ARHGEF6: variants seen among roughly 807,000 people sequenced by gnomAD.
The protein encoded by ARHGEF6 is Rac/Cdc42 guanine nucleotide exchange factor 6, also known as rho guanine nucleotide exchange factor 6.
Under a neutral mutation model 70.3 loss-of-function variants are expected in ARHGEF6, and 9 were observed. That is an observed-to-expected ratio of 0.13 (90% CI 0.08 to 0.22). The LOEUF is 0.22. Among genes scored for constraint, ARHGEF6 ranks in the 10% least tolerant of loss-of-function variants. The pLI, the probability that ARHGEF6 is intolerant of heterozygous loss-of-function variation, is 1.00. For missense variants in ARHGEF6, 470 were observed against 563.0 expected (o/e 0.83, Z 1.67); for synonymous variants, 201 against 207.8 (o/e 0.97, Z 0.28).
intron 2 of ARHGEF6, among the ~76,000 whole-genome samples, chrX:136,754,383 C>T (rs999798927): frequency 9.1e-6 from 1 of 109,682 alleles, no homozygotes; most frequent in African/African-American, 3.3e-5. Flanking sequence ...TCCAGGAGTT[C>T]GAGACCAGAC....
chrX:136,720,715 G>A (rs1046682341), intron 6 of ARHGEF6, among the ~76,000 whole-genome samples: 3 of 111,551 alleles, frequency 2.7e-5, no homozygotes, highest in East Asian at 2.8e-4. Context: ...AAATAAAACC[G>A]TCTTTATTTG....
intron 2 of ARHGEF6, among the ~76,000 whole-genome samples, chrX:136,758,198 G>C (rs1419525575): frequency 6.6e-5 from 7 of 105,479 alleles, no homozygotes; most frequent in Non-Finnish European, 9.7e-5. Context: ...CTACAGGCAC[G>C]TGCCACCACG....
At chrX:136,736,747 C>T (rs2076989961) in intron 5 of ARHGEF6, among the ~76,000 whole-genome samples, 1 of 110,391 alleles carries the variant, frequency 9.1e-6, no homozygotes, top group Non-Finnish European at 1.9e-5. Flanking sequence ...TCTCAAAGAG[C>T]GGGAAAAAGC....
intron 9 of ARHGEF6, among the ~76,000 whole-genome samples, chrX:136,691,846 T>G (rs1399452871): frequency 9.0e-6 from 1 of 111,661 alleles, no homozygotes; most frequent in Non-Finnish European, 1.9e-5. Flanking sequence ...AGATCAAGTC[T>G]TAACTTTTTA....
At chrX:136,718,061 G>C (rs2076755373) in intron 6 of ARHGEF6, among the ~76,000 whole-genome samples, 1 of 111,210 alleles carries the variant, frequency 9.0e-6, no homozygotes, top group Admixed American at 9.5e-5. Context: ...CCAATGAAAA[G>C]ACAGACATTT....
intron 6 of ARHGEF6, among the ~76,000 whole-genome samples, chrX:136,725,202 A>G (rs947917955): frequency 9.0e-6 from 1 of 111,179 alleles, no homozygotes; most frequent in Non-Finnish European, 1.9e-5. Flanking sequence ...TTCCCATGGG[A>G]GGGAGGCACG....
At chrX:136,746,901 T>C (rs1293115844) in intron 3 of ARHGEF6, among the ~76,000 whole-genome samples, 1 of 112,180 alleles carries the variant, frequency 8.9e-6, no homozygotes, top group Non-Finnish European at 1.9e-5. Context: ...AGTATGATTA[T>C]TACTATTCAG....
At position 136,674,919 on chromosome X, in the gene ARHGEF6, TC is replaced by T. The variant is rs777991817; in HGVS notation, c.2035+87del. ...CCTGCTTTCCACACCCTGCAACCCATCCGGGTTGCTTTTCTCTTTTTCTAAA... is the reference window on the plus strand; with the variant it reads ...CCTGCTTTCCACACCCTGCAACCCATCGGGTTGCTTTTCTCTTTTTCTAAA... On this transcript the variant is annotated intron_variant, in intron 19 of 21. Coordinates refer to ENST00000250617, the MANE Select transcript of ARHGEF6 (RefSeq NM_004840.3). The T allele has an allele frequency of 1.9e-4, 162 of 853,633 alleles. No homozygotes were observed. The East Asian group carries it at 5.2e-3, about 27-fold the overall frequency. 70.3% of individuals were successfully genotyped at this position (853,633 alleles called of 1,213,427 possible).
At chrX:136,691,346 C>T in intron 9 of ARHGEF6, among the ~76,000 whole-genome samples, 1 of 111,372 alleles carries the variant, frequency 9.0e-6, no homozygotes, top group Non-Finnish European at 1.9e-5. Context: ...AGCAGGTTAA[C>T]CAAACACTTC....
At chrX:136,670,226 C>T (rs1228909855) in intron 20 of ARHGEF6, among the ~76,000 whole-genome samples, 1 of 111,726 alleles carries the variant, frequency 9.0e-6, no homozygotes, top group East Asian at 2.8e-4. Context: ...AAATGCTATG[C>T]AAATATTTGT....
intron 2 of ARHGEF6, among the ~76,000 whole-genome samples, chrX:136,777,787 C>CACACACACACACACACACACA (rs767698755): frequency 1.8e-5 from 2 of 109,246 alleles, no homozygotes; most frequent in African/African-American, 6.7e-5. Context: ...CACACACACA[C>CACACACACACACACACACACA]CATGGAATAC....
chrX:136,714,113 G>A (rs2076713949), intron 6 of ARHGEF6, among the ~76,000 whole-genome samples: 1 of 111,841 alleles, frequency 8.9e-6, no homozygotes, highest in African/African-American at 3.3e-5. Context: ...GCTGAAGTGT[G>A]AGGAATTTAA....
intron 2 of ARHGEF6, among the ~76,000 whole-genome samples, chrX:136,752,878 T>C (rs973991565): frequency 8.9e-6 from 1 of 112,307 alleles, no homozygotes; most frequent in African/African-American, 3.2e-5. Context: ...TGAATCACAT[T>C]CTTTAATTCT....
chrX:136,685,647 G>T, intron 12 of ARHGEF6, 30 bp downstream of exon 12: 3 of 1,130,699 alleles, frequency 2.7e-6, no homozygotes, highest in Non-Finnish European at 3.6e-6. Flanking sequence ...AAAGATGGAA[G>T]AAATAATGTT....
intron 19 of ARHGEF6, among the ~76,000 whole-genome samples, chrX:136,673,391 G>A (rs2148568238): frequency 8.9e-6 from 1 of 111,956 alleles, no homozygotes; most frequent in Non-Finnish European, 1.9e-5. Flanking sequence ...GTTAGAGAGG[G>A]ATAGAGGATA....
chrX:136,776,642 T>C (rs1426703216), intron 2 of ARHGEF6, among the ~76,000 whole-genome samples: 1 of 111,245 alleles, frequency 9.0e-6, no homozygotes, highest in African/African-American at 3.3e-5. Flanking sequence ...CTTCTAGGTA[T>C]TGGCTTTGGC....
intron 1 of ARHGEF6, 85 bp downstream of exon 1, chrX:136,780,633 C>T: frequency 1.1e-6 from 1 of 886,331 alleles, no homozygotes; most frequent in Non-Finnish European, 1.7e-6. Flanking sequence ...TTCCCATGGC[C>T]TGGGAAATAG....
At position 136,686,617 on chromosome X, in the gene ARHGEF6, TATATACAC is replaced by T. The variant is rs1210197502; in HGVS notation, c.1246-802_1246-795del. Among the ~76,000 whole-genome samples the T allele has an allele frequency of 1.9e-3, 140 of 73,391 alleles. 1 individual carries two copies. Among genetic ancestry groups the T allele is most frequent in the Non-Finnish European group, 2.8e-3 (118 of 42,464 alleles). The allele number at this position is 73,391 out of a possible 115,157, so 63.7% of individuals were successfully genotyped here. On this transcript the variant is annotated intron_variant, in intron 11 of 21. Transcript: ENST00000250617. ...GTGTATATATATATATATATATATA[TATATACAC>T]ATATATATATATATATACACACATA...
chrX:136,683,058 T>A (rs891871171), intron 12 of ARHGEF6, among the ~76,000 whole-genome samples: 2 of 112,113 alleles, frequency 1.8e-5, no homozygotes, highest in African/African-American at 6.5e-5. Flanking sequence ...TCTCTCTTCT[T>A]CTTATACATA....
Sources: gnomAD v4.1 joint callset for allele counts (sites outside exome capture counted in the v4.1 genomes callset) on GRCh38, gnomAD v4.1.1 for gene constraint, MANE v1.5 for transcripts, NCBI Gene and HGNC (gene_info 2026-07-23, HGNC 2026-07-21) for gene names.